FOXN2: variants seen among roughly 807,000 people sequenced by gnomAD.
FOXN2 encodes forkhead box protein N2.
In FOXN2, 19 loss-of-function variants were observed where a neutral mutation model predicts 41.2. That is an observed-to-expected ratio of 0.46 (90% CI 0.32 to 0.68). The LOEUF is 0.68. Ranked by LOEUF, FOXN2 falls within the 30% of genes least tolerant of loss-of-function variation. The probability of loss-of-function intolerance (pLI) is 0.03; values close to 1 mark genes in which losing one functional copy is unlikely to be tolerated. For synonymous variants in FOXN2, 195 were observed against 176.8 expected (o/e 1.10, Z -0.82); for missense variants, 587 against 509.4 (o/e 1.15, Z -1.47).
At chr2:48,353,519 A>AG (rs1260326410) in intron 3 of FOXN2, among the ~76,000 whole-genome samples, 1 of 145,822 alleles carries the variant, frequency 6.9e-6, no homozygotes, top group Non-Finnish European at 1.5e-5. Flanking sequence ...GAGCTCTCTG[A>AG]GGTCAAGGCC....
chr2:48,333,379 A>G lies in FOXN2; in HGVS notation c.-15+4677A>G, dbSNP rs928429290. ...AAATTCCTATATACATTTTATATAG[A>G]TTTAAATTTCTATATTTAAAATTCC... On this transcript the variant is annotated intron_variant, in intron 2 of 6. Transcript: ENST00000340553. 8.7e-4 allele frequency among the ~76,000 whole-genome samples: 132 copies of G among 152,088 alleles called. 11 individuals carry two copies. Among genetic ancestry groups the G allele is most frequent in the Non-Finnish European group, 2.9e-5 (2 of 67,980 alleles).
intron 1 of FOXN2, among the ~76,000 whole-genome samples, chr2:48,316,087 G>C (rs1248100981): frequency 4.6e-5 from 7 of 152,068 alleles, no homozygotes; most frequent in African/African-American, 1.7e-4. Context: ...TTCTCTGGTA[G>C]CCAGGGGCTT....
intron 5 of FOXN2, among the ~76,000 whole-genome samples, chr2:48,371,193 T>G (rs1463800149): frequency 2.0e-5 from 3 of 152,012 alleles, no homozygotes; most frequent in Non-Finnish European, 4.4e-5. Context: ...AGGCCAGGAG[T>G]TTGAGACCAG....
At chr2:48,319,299 A>G (rs927864377) in intron 1 of FOXN2, among the ~76,000 whole-genome samples, 1 of 152,086 alleles carries the variant, frequency 6.6e-6, no homozygotes, top group African/African-American at 2.4e-5. Context: ...AACATTAATC[A>G]AAGTTTTCAA....
intron 1 of FOXN2, among the ~76,000 whole-genome samples, chr2:48,315,535 C>T (rs921380643): frequency 6.6e-6 from 1 of 152,164 alleles, no homozygotes. Flanking sequence ...CCTTTGGGGC[C>T]GTGGTTACCT....
chr2:48,323,179 CTG>C (rs755688463), intron 1 of FOXN2, among the ~76,000 whole-genome samples: 1 of 150,970 alleles, frequency 6.6e-6, no homozygotes, highest in Non-Finnish European at 1.5e-5. Context: ...TTTTTTATAA[CTG>C]ATATATTTTT....
chr2:48,350,222 T>C (rs958023206), intron 3 of FOXN2, among the ~76,000 whole-genome samples: 5 of 152,240 alleles, frequency 3.3e-5, no homozygotes, highest in South Asian at 2.1e-4. Context: ...TAGACAGTGC[T>C]GTTTTAGAGT....
At chr2:48,328,102 C>G (rs140262707) in intron 1 of FOXN2, among the ~76,000 whole-genome samples, 68 of 152,308 alleles carry the variant, frequency 4.5e-4, no homozygotes, top group African/African-American at 1.6e-3. Flanking sequence ...GACTTATATT[C>G]AAGGCATTGA....
In FOXN2 at chr2:48,376,629, T is replaced by G. The variant is rs1673269720; in HGVS notation, c.*1186T>G. The G allele has an allele frequency of 1.3e-5, 2 of 152,518 alleles. No individual in the cohort carries two copies. The highest frequency in any genetic ancestry group is 2.9e-5 in the Non-Finnish European group (2 of 67,938). 9.4% of individuals were successfully genotyped at this position (152,518 alleles called of 1,614,324 possible). A position where few individuals can be genotyped will look rare whatever the true frequency, so the allele number is the denominator to read the frequency against. On this transcript the variant is annotated 3_prime_UTR_variant, in exon 7 of 7. Coordinates refer to ENST00000340553, the MANE Select transcript of FOXN2 (RefSeq NM_002158.4). ...CCATTGATCCATGAGAAAAAGATTT[T>G]CTGGTACTACTCCAAAAGTGCTTTG... is the stretch of plus-strand genomic sequence containing the variant.
At chr2:48,318,373 A>T (rs1669072458) in intron 1 of FOXN2, among the ~76,000 whole-genome samples, 1 of 152,108 alleles carries the variant, frequency 6.6e-6, no homozygotes, top group African/African-American at 2.4e-5. Flanking sequence ...CTCAATTGAG[A>T]TTTATCTGGT....
upstream of FOXN2, among the ~76,000 whole-genome samples, chr2:48,313,811 C>T (rs930468260): frequency 2.6e-5 from 4 of 152,000 alleles, no homozygotes; most frequent in South Asian, 8.3e-4. Context: ...TTTAGTAAAA[C>T]GAACCAAAAC....
chr2:48,321,553 A>G (rs1669319867), intron 1 of FOXN2, among the ~76,000 whole-genome samples: 1 of 151,996 alleles, frequency 6.6e-6, no homozygotes, highest in South Asian at 2.1e-4. Flanking sequence ...AAATTTTAGT[A>G]CATTTTATGT....
rs1245426068 is a variant in FOXN2 at position 48,375,558 on chromosome 2, T to A, written c.*115T>A. 5.5e-5 allele frequency: 62 copies of A among 1,136,086 alleles called. No individual in the cohort carries two copies. The Admixed American group carries it at 1.7e-3, about 32-fold the overall frequency. The allele number at this position is 1,136,086 out of a possible 1,614,324, so 70.4% of individuals were successfully genotyped here. ...AAGGGATACTAATTACTTATTTCTT[T>A]CAAAACATTTTTGGTTTTTGGTTTT... On this transcript the variant is annotated 3_prime_UTR_variant, in exon 7 of 7. Coordinates refer to ENST00000340553, the MANE Select transcript of FOXN2 (RefSeq NM_002158.4).
intron 1 of FOXN2, among the ~76,000 whole-genome samples, chr2:48,316,169 G>C (rs1466946258): frequency 1.3e-5 from 2 of 152,028 alleles, no homozygotes; most frequent in Non-Finnish European, 2.9e-5. Flanking sequence ...GCCTGTACCT[G>C]TTCCATCCGA....
intron 1 of FOXN2, among the ~76,000 whole-genome samples, chr2:48,323,258 A>G (rs1434046005): frequency 6.6e-6 from 1 of 152,252 alleles, no homozygotes; most frequent in East Asian, 1.9e-4. Context: ...TAATTAGAAT[A>G]TCTGTCACCT....
intron 5 of FOXN2, among the ~76,000 whole-genome samples, chr2:48,371,201 C>T (rs1672872877): frequency 6.6e-6 from 1 of 152,106 alleles, no homozygotes; most frequent in Admixed American, 6.5e-5. Context: ...AGTTTGAGAC[C>T]AGCCTGGCCA....
chr2:48,323,987 A>G (rs1669503611), intron 1 of FOXN2, among the ~76,000 whole-genome samples: 2 of 152,038 alleles, frequency 1.3e-5, no homozygotes, highest in Admixed American at 1.3e-4. Flanking sequence ...TTTACTGTTG[A>G]CTTCCTTCAA....
intron 2 of FOXN2, among the ~76,000 whole-genome samples, chr2:48,334,385 C>G (rs1456076177): frequency 6.6e-6 from 1 of 152,104 alleles, no homozygotes; most frequent in Non-Finnish European, 1.5e-5. Flanking sequence ...TCAGACTTCT[C>G]AAGTGTGCTG....
intron 2 of FOXN2, among the ~76,000 whole-genome samples, chr2:48,345,880 T>C (rs1671064298): frequency 6.6e-6 from 1 of 152,154 alleles, no homozygotes; most frequent in African/African-American, 2.4e-5. Flanking sequence ...TAAGTAATAA[T>C]AGCCACTTCC....
Sources: allele counts gnomAD v4.1 joint callset (sites outside exome capture counted in the v4.1 genomes callset), GRCh38; gene constraint gnomAD v4.1.1; transcripts MANE v1.5; gene names NCBI Gene and HGNC (gene_info 2026-07-23, HGNC 2026-07-21).